The following INPP4B variants were observed in gnomAD, a reference collection of about 807,000 sequenced individuals.
INPP4B encodes inositol polyphosphate-4-phosphatase type II B.
INPP4B carries 55 observed loss-of-function variants against 122.5 expected under a neutral mutation model. The observed-to-expected ratio is 0.45, with a 90% CI of 0.36 to 0.56. The LOEUF (loss-of-function observed/expected upper bound fraction) is 0.56. Ranked by LOEUF, INPP4B falls within the 20% of genes least tolerant of loss-of-function variation. The pLI, the probability that INPP4B is intolerant of heterozygous loss-of-function variation, is 0.00. For missense variants in INPP4B, 1,000 were observed against 1,097.7 expected, an observed-to-expected ratio of 0.91 and a Z score of 1.26; for synonymous variants, 403 against 388.7, an observed-to-expected ratio of 1.04 and a Z score of -0.43.
At chr4:142,666,053 A>C (rs1414476658) in intron 2 of INPP4B, among the ~76,000 whole-genome samples, 1 of 152,238 alleles carries the variant, frequency 6.6e-6, no homozygotes, top group East Asian at 1.9e-4. Context: ...ATATCTTACT[A>C]TACGGTACTC....
chr4:142,237,343 T>A (rs899581414), intron 12 of INPP4B, among the ~76,000 whole-genome samples: 10 of 152,176 alleles, frequency 6.6e-5, no homozygotes, highest in Middle Eastern at 3.4e-3. Context: ...TCCACAGAAA[T>A]ATAGCTCAAA....
chr4:142,806,783 GAAGGAAAGAAAGAAA>G (rs1778843221), intron 1 of INPP4B, among the ~76,000 whole-genome samples: 1 of 65,902 alleles, frequency 1.5e-5, no homozygotes, highest in African/African-American at 5.6e-5. Flanking sequence ...AAGAAAGAAA[GAAGGAAAGAAAGAAA>G]GAAAGAAAGA....
chr4:142,311,907 A>G (rs1765639205), intron 8 of INPP4B, among the ~76,000 whole-genome samples: 1 of 152,210 alleles, frequency 6.6e-6, no homozygotes, highest in Non-Finnish European at 1.5e-5. Context: ...AAGAAGGACC[A>G]GGAAGATGGA....
chr4:142,784,003 C>A (rs1435136422), intron 1 of INPP4B, among the ~76,000 whole-genome samples: 1 of 152,070 alleles, frequency 6.6e-6, no homozygotes, highest in Non-Finnish European at 1.5e-5. Context: ...TCACCTTCAG[C>A]ATGTAAAGAG....
chr4:142,600,194 A>G (rs1739608217), intron 2 of INPP4B, among the ~76,000 whole-genome samples: 1 of 152,104 alleles, frequency 6.6e-6, no homozygotes, highest in South Asian at 2.1e-4. Flanking sequence ...CAATGCCACA[A>G]ATCTTCTCCA....
chr4:142,796,991 A>C (rs2151080094), intron 1 of INPP4B, among the ~76,000 whole-genome samples: 1 of 151,982 alleles, frequency 6.6e-6, no homozygotes, highest in African/African-American at 2.4e-5. Flanking sequence ...TCAAACATAA[A>C]CAGAAAATTG....
At chr4:142,700,158 C>T (rs1326306336) in intron 2 of INPP4B, among the ~76,000 whole-genome samples, 1 of 151,998 alleles carries the variant, frequency 6.6e-6, no homozygotes. Flanking sequence ...TGGGACTCAT[C>T]ACTTTATCAA....
intron 2 of INPP4B, among the ~76,000 whole-genome samples, chr4:142,643,714 C>A (rs757908540): frequency 2.6e-5 from 4 of 152,132 alleles, no homozygotes; most frequent in Non-Finnish European, 5.9e-5. Context: ...CAAAGCTTAC[C>A]ATGAAAATAC....
At chr4:142,546,135 T>C (rs1829625057) in intron 2 of INPP4B, among the ~76,000 whole-genome samples, 1 of 151,984 alleles carries the variant, frequency 6.6e-6, no homozygotes, top group African/African-American at 2.4e-5. Flanking sequence ...CCTCTCTATG[T>C]GTCTGTGTGT....
At chr4:142,111,483 A>G (rs1561153230) in intron 22 of INPP4B, among the ~76,000 whole-genome samples, 1 of 151,486 alleles carries the variant, frequency 6.6e-6, no homozygotes, top group Non-Finnish European at 1.5e-5. Context: ...AATAGCTGAG[A>G]TTACAGGCAC....
At chr4:142,514,792 CTTTTTTTTTT>C (rs3078620) in intron 2 of INPP4B, among the ~76,000 whole-genome samples, 8,650 of 121,804 alleles carry the variant, frequency 0.071, 327 homozygotes, top group Admixed American at 0.1. Context: ...ACCATGATTT[CTTTTTTTTTT>C]TTTTTTTTTT....
At chr4:142,528,911 G>C (rs760308039) in intron 2 of INPP4B, among the ~76,000 whole-genome samples, 2 of 152,100 alleles carry the variant, frequency 1.3e-5, no homozygotes, top group Non-Finnish European at 2.9e-5. Flanking sequence ...ATAATGGACT[G>C]TGTTTGTTGC....
intron 18 of INPP4B, among the ~76,000 whole-genome samples, chr4:142,130,896 T>C (rs1800926738): frequency 6.6e-6 from 1 of 152,190 alleles, no homozygotes; most frequent in Non-Finnish European, 1.5e-5. Context: ...GTCATAAAAC[T>C]TTCCAGTCTT....
At chr4:142,616,354 A>G (rs1743702982) in intron 2 of INPP4B, among the ~76,000 whole-genome samples, 2 of 152,166 alleles carry the variant, frequency 1.3e-5, no homozygotes, top group South Asian at 4.1e-4. Flanking sequence ...CTTCAGAGAG[A>G]TATCTCCCAG....
chr4:142,371,988 G>A (rs1790111978), intron 7 of INPP4B, among the ~76,000 whole-genome samples: 1 of 152,004 alleles, frequency 6.6e-6, no homozygotes, highest in Non-Finnish European at 1.5e-5. Context: ...GCATCCACGT[G>A]TTTATCACAG....
chr4:142,268,127 T>C (rs1579528213), intron 10 of INPP4B, among the ~76,000 whole-genome samples: 2 of 151,052 alleles, frequency 1.3e-5, no homozygotes, highest in African/African-American at 4.9e-5. Flanking sequence ...ACTGAGACCA[T>C]CCTGGCTAAC....
chr4:142,146,785 C>G (rs2152846723), intron 17 of INPP4B, among the ~76,000 whole-genome samples: 1 of 152,202 alleles, frequency 6.6e-6, no homozygotes, highest in African/African-American at 2.4e-5. Context: ...GTCTTAGAAC[C>G]TCTACTTAAT....
chr4:142,399,885 G>A lies in INPP4B; in HGVS notation c.372+3053C>T, dbSNP rs115300005. ...CCCACCTGCTAAGCATTCTGTATCC[G>A]TCTGCCAACTTATGGCAGTGAATGG... On this transcript the variant is annotated intron_variant, in intron 7 of 25. Transcript: ENST00000262992. 6.4e-3 allele frequency among the ~76,000 whole-genome samples: 964 copies of A among 151,640 alleles called. 8 individuals carry two copies. The highest frequency in any genetic ancestry group is 0.022 in the African/African-American group (911 of 41,266).
intron 2 of INPP4B, among the ~76,000 whole-genome samples, chr4:142,547,501 T>C (rs1278865071): frequency 6.6e-6 from 1 of 152,046 alleles, no homozygotes; most frequent in African/African-American, 2.4e-5. Flanking sequence ...ATTAGCAAAA[T>C]TTGGCAAGAG....
Sources: allele counts gnomAD v4.1 joint callset (sites outside exome capture counted in the v4.1 genomes callset), GRCh38; gene constraint gnomAD v4.1.1; transcripts MANE v1.5; gene names NCBI Gene and HGNC (gene_info 2026-07-23, HGNC 2026-07-21).